GPC5: variants seen among roughly 807,000 people sequenced by gnomAD.
GPC5 encodes the protein glypican 5, also known as glypican-5.
Under a neutral mutation model 53.9 loss-of-function variants are expected in GPC5, and 47 were observed. That is an observed-to-expected ratio of 0.87 (90% confidence interval 0.69 to 1.11). The LOEUF (loss-of-function observed/expected upper bound fraction) is 1.11, where lower values mean the gene tolerates loss of function less well. Ranked by LOEUF, GPC5 falls within the 50% of genes most tolerant of loss-of-function variation. GPC5 has a pLI of 0.00. For synonymous variants in GPC5, 286 were observed against 263.3 expected, an observed-to-expected ratio of 1.09 and a Z score of -0.84; for missense variants, 748 against 713.1, an observed-to-expected ratio of 1.05 and a Z score of -0.56.
intron 7 of GPC5, among the ~76,000 whole-genome samples, chr13:92,504,764 T>C (rs572200505): frequency 4.3e-4 from 65 of 151,838 alleles, no homozygotes; most frequent in African/African-American, 1.5e-3. Flanking sequence ...GGCTTTGGAG[T>C]ACTTGGGCAA....
Position 92,254,800 on chromosome 13 carries a change from C to T in GPC5, c.1561+109811C>T, listed in dbSNP as rs116435109. ...TAAAACCATCAGATCTATGAGAACC[C>T]ACTCAGTATCACAAGAACAGCATAG... is the stretch of plus-strand genomic sequence containing the variant. On this transcript the variant is annotated intron_variant, in intron 7 of 7. Transcript: ENST00000377067. Among the ~76,000 whole-genome samples the T allele has an allele frequency of 4.7e-3, 711 of 152,160 alleles. 2 individuals are homozygous for T. Among genetic ancestry groups the T allele is most frequent in the African/African-American group, 0.016 (650 of 41,532 alleles).
intron 6 of GPC5, among the ~76,000 whole-genome samples, chr13:92,125,025 C>G (rs2041683594): frequency 1.3e-5 from 2 of 152,150 alleles, no homozygotes; most frequent in Non-Finnish European, 2.9e-5. Flanking sequence ...TGTCTTGCCT[C>G]TTGCTCACCA....
chr13:92,348,739 A>C (rs558349812), intron 7 of GPC5, among the ~76,000 whole-genome samples: 4 of 152,170 alleles, frequency 2.6e-5, no homozygotes, highest in Admixed American at 2.6e-4. Flanking sequence ...CTGACCCACA[A>C]TGGTATAAAA....
At chr13:92,665,018 A>G (rs77631769) in intron 7 of GPC5, among the ~76,000 whole-genome samples, 36,084 of 152,018 alleles carry the variant, frequency 0.24, 4,942 homozygotes, top group South Asian at 0.39. Context: ...GTTACAAAAA[A>G]AACAGTAGAA....
At chr13:92,685,296 C>T (rs1449109165) in intron 7 of GPC5, among the ~76,000 whole-genome samples, 19 of 151,896 alleles carry the variant, frequency 1.3e-4, no homozygotes, top group East Asian at 3.9e-4. Flanking sequence ...GGTTTTGCCA[C>T]GCTGGCCAGG....
At chr13:92,515,061 A>G (rs1880719299) in intron 7 of GPC5, among the ~76,000 whole-genome samples, 1 of 152,228 alleles carries the variant, frequency 6.6e-6, no homozygotes, top group Non-Finnish European at 1.5e-5. Flanking sequence ...GAGGATAAGT[A>G]TGCAATATAA....
chr13:91,608,321 T>C (rs2033439070), intron 2 of GPC5, among the ~76,000 whole-genome samples: 1 of 152,224 alleles, frequency 6.6e-6, no homozygotes, highest in East Asian at 1.9e-4. Flanking sequence ...ATGGACTTGT[T>C]CTTACAAGTG....
chr13:92,456,937 T>G (rs1235924305), intron 7 of GPC5, among the ~76,000 whole-genome samples: 1 of 152,132 alleles, frequency 6.6e-6, no homozygotes, highest in Non-Finnish European at 1.5e-5. Context: ...GGGGTACGAA[T>G]GATTCCATTC....
chr13:92,784,908 T>C (rs954890502), intron 7 of GPC5, among the ~76,000 whole-genome samples: 2 of 152,180 alleles, frequency 1.3e-5, no homozygotes, highest in African/African-American at 4.8e-5. Flanking sequence ...GACTGTATTA[T>C]ATCATTTAGA....
chr13:91,667,315 G>T (rs3852116), intron 2 of GPC5, among the ~76,000 whole-genome samples: 38,228 of 151,932 alleles, frequency 0.25, 6,669 homozygotes, highest in African/African-American at 0.49. Flanking sequence ...TGTGTGTGTG[G>T]GTATGTGTGT....
intron 5 of GPC5, among the ~76,000 whole-genome samples, chr13:91,906,357 G>T (rs1566334538): frequency 6.6e-6 from 1 of 151,926 alleles, no homozygotes; most frequent in Non-Finnish European, 1.5e-5. Context: ...CTAAGTCCAC[G>T]TGGATTTCTC....
chr13:92,550,659 A>G (rs1346677571), intron 7 of GPC5, among the ~76,000 whole-genome samples: 1 of 151,900 alleles, frequency 6.6e-6, no homozygotes. Context: ...GTTTAGGTAT[A>G]CATGTTTGTC....
chr13:92,622,364 T>A (rs12876719), intron 7 of GPC5, among the ~76,000 whole-genome samples: 1 of 152,212 alleles, frequency 6.6e-6, no homozygotes. Context: ...TCACACCAGA[T>A]GCTGCACGCT....
At chr13:92,363,406 G>A (rs1214717750) in intron 7 of GPC5, among the ~76,000 whole-genome samples, 2 of 151,538 alleles carry the variant, frequency 1.3e-5, no homozygotes, top group Non-Finnish European at 2.9e-5. Context: ...AGGGAGGGAT[G>A]GTTTCAGGAT....
chr13:91,409,828 C>T (rs1314605827), intron 1 of GPC5, among the ~76,000 whole-genome samples: 1 of 152,106 alleles, frequency 6.6e-6, no homozygotes, highest in Non-Finnish European at 1.5e-5. Flanking sequence ...GCATAATTCC[C>T]AACAGATGGT....
At position 92,522,033 on chromosome 13, in the gene GPC5, A is replaced by T. The variant is rs571820888; in HGVS notation, c.1562-344249A>T. On this transcript the variant is annotated intron_variant, in intron 7 of 7. Transcript: ENST00000377067. Reference sequence around the variant, plus strand: ...CCAACAGACACATGAAAAAATGTTCATCATCACAGAAATGCAAATCAAAAC... The same window carrying T: ...CCAACAGACACATGAAAAAATGTTCTTCATCACAGAAATGCAAATCAAAAC... 4.6e-5 allele frequency among the ~76,000 whole-genome samples: 7 copies of T among 151,796 alleles called. No individual in the cohort carries two copies. In the South Asian group the frequency reaches 1.2e-3, roughly 27 times the overall value.
chr13:91,906,567 C>T (rs148585205), intron 5 of GPC5, among the ~76,000 whole-genome samples: 2 of 151,906 alleles, frequency 1.3e-5, no homozygotes, highest in Non-Finnish European at 2.9e-5. Flanking sequence ...AATAAACATA[C>T]AAATGAATGA....
chr13:91,961,078 A>G (rs1188015354), intron 6 of GPC5, among the ~76,000 whole-genome samples: 1 of 152,000 alleles, frequency 6.6e-6, no homozygotes, highest in African/African-American at 2.4e-5. Context: ...TCTCCATAGA[A>G]AAGGAAACAA....
At chr13:92,758,994 GTTTTTTTTTT>G (rs68182839) in intron 7 of GPC5, among the ~76,000 whole-genome samples, 5 of 70,568 alleles carry the variant, frequency 7.1e-5, no homozygotes, top group South Asian at 6.6e-4. Flanking sequence ...TCCCATTGCG[GTTTTTTTTTT>G]TTTTTTTTTT....
Sources: allele counts gnomAD v4.1 joint callset (sites outside exome capture counted in the v4.1 genomes callset), GRCh38; gene constraint gnomAD v4.1.1; transcripts MANE v1.5; gene names NCBI Gene and HGNC (gene_info 2026-07-23, HGNC 2026-07-21).